RASA1: variants seen among roughly 807,000 people sequenced by gnomAD.
RASA1 encodes the protein RAS p21 protein activator 1.
In RASA1, 25 loss-of-function variants were observed where a neutral mutation model predicts 132.2. The observed-to-expected ratio is 0.19, with a 90% CI of 0.14 to 0.26. RASA1 has a LOEUF of 0.26. Among genes scored for constraint, RASA1 ranks in the 10% least tolerant of loss-of-function variants. The pLI is 1.00. For missense variants in RASA1, 964 were observed against 1,299.2 expected (o/e 0.74, Z 3.97); for synonymous variants, 477 against 449.9 (o/e 1.06, Z -0.76).
chr5:87,382,950 A>G (rs1432886965), intron 20 of RASA1, among the ~76,000 whole-genome samples: 1 of 151,390 alleles, frequency 6.6e-6, no homozygotes, highest in Non-Finnish European at 1.5e-5. Flanking sequence ...AAAAATTGCC[A>G]GGTATGGTGA....
rs1189198550 is a variant in RASA1, at chr5:87,338,542, T to A, written c.1017+451T>A. ...ATATATATATATATATAAAATTTTT[T>A]TTTTTTTTAAGTAGAAATGGGGTTT... is the stretch of plus-strand genomic sequence containing the variant. On this transcript the variant is annotated intron_variant, in intron 5 of 24. Coordinates refer to ENST00000274376, the MANE Select transcript of RASA1 (RefSeq NM_002890.3). 2.2e-3 allele frequency among the ~76,000 whole-genome samples: 299 copies of A among 137,328 alleles called. 14 individuals are homozygous for A. Among genetic ancestry groups the A allele is most frequent in the Admixed American group, 0.014 (192 of 13,614 alleles). 90.1% of individuals were successfully genotyped at this position (137,328 alleles called of 152,430 possible).
chr5:87,292,595 C>T (rs1754955817), intron 1 of RASA1, among the ~76,000 whole-genome samples: 1 of 152,050 alleles, frequency 6.6e-6, no homozygotes, highest in South Asian at 2.1e-4. Context: ...TAGTGTCAAT[C>T]CCTCCGACTT....
intron 1 of RASA1, among the ~76,000 whole-genome samples, chr5:87,303,879 C>T (rs1482609482): frequency 7.5e-6 from 1 of 133,996 alleles, no homozygotes; most frequent in Non-Finnish European, 1.6e-5. Context: ...TTGCTCTTGT[C>T]GCCCAAGCTG....
At chr5:87,381,862 A>G (rs1435296132) in intron 20 of RASA1, among the ~76,000 whole-genome samples, 1 of 152,224 alleles carries the variant, frequency 6.6e-6, no homozygotes, top group Non-Finnish European at 1.5e-5. Flanking sequence ...GTTAGGTTTC[A>G]GGCTCATAGA....
chr5:87,269,150 C>T (rs1430001692), intron 1 of RASA1, 160 bp downstream of exon 1: 4 of 1,612,882 alleles, frequency 2.5e-6, no homozygotes, highest in Non-Finnish European at 3.4e-6. Flanking sequence ...GATCACTTAT[C>T]TTCCTTACAG....
intron 1 of RASA1, among the ~76,000 whole-genome samples, chr5:87,305,513 C>T (rs968706645): frequency 6.6e-6 from 1 of 152,130 alleles, no homozygotes; most frequent in Non-Finnish European, 1.5e-5. Flanking sequence ...TAAAATATAA[C>T]ACCCCATACT....
intron 9 of RASA1, among the ~76,000 whole-genome samples, chr5:87,356,123 G>A (rs1759630848): frequency 6.6e-6 from 1 of 152,170 alleles, no homozygotes; most frequent in East Asian, 1.9e-4. Flanking sequence ...ACTTGATAAA[G>A]CAGCAAGAGG....
chr5:87,371,110 C>T (rs541286031), intron 12 of RASA1, among the ~76,000 whole-genome samples: 1 of 152,076 alleles, frequency 6.6e-6, no homozygotes, highest in Non-Finnish European at 1.5e-5. Flanking sequence ...ACCATGGTCC[C>T]TCTTTCTGAA....
rs1005369390 is a variant in RASA1, at chr5:87,338,240, A to G, written c.1017+149A>G. On this transcript the variant is annotated intron_variant, in intron 5 of 24. Transcript: ENST00000274376. ...ACAAGAATTATAAGTGCTGTTTGTTAGTATGGAACATAATCAGGCTAGCAT... is the reference window on the plus strand; with the variant it reads ...ACAAGAATTATAAGTGCTGTTTGTTGGTATGGAACATAATCAGGCTAGCAT... 1.1e-5 allele frequency: 14 copies of G among 1,262,740 alleles called. 1 individual carries two copies. The South Asian group carries it at 1.8e-4, about 16-fold the overall frequency. The allele number at this position is 1,262,740 out of a possible 1,614,324, so 78.2% of individuals were successfully genotyped here.
chr5:87,380,470 C>G (rs771791337), intron 19 of RASA1, 39 bp from the exon 20 acceptor site: 25 of 1,539,310 alleles, frequency 1.6e-5, no homozygotes, highest in Non-Finnish European at 2.1e-5. Flanking sequence ...AGTGTTTTCA[C>G]TTGCTTTCTG....
At chr5:87,360,391 T>C (rs1323719316) in intron 9 of RASA1, among the ~76,000 whole-genome samples, 1 of 152,204 alleles carries the variant, frequency 6.6e-6, no homozygotes, top group Non-Finnish European at 1.5e-5. Flanking sequence ...CCTAAAGTAC[T>C]GGGATTAAAG....
chr5:87,332,671 A>G (rs781581906), intron 3 of RASA1, 29 bp downstream of exon 3: 3 of 1,586,788 alleles, frequency 1.9e-6, no homozygotes, highest in African/African-American at 2.7e-5. Context: ...ATATCTTTCA[A>G]AACTTTATTT....
chr5:87,338,231 C>T, intron 5 of RASA1, 140 bp downstream of exon 5: 3 of 1,349,440 alleles, frequency 2.2e-6, no homozygotes, highest in South Asian at 1.4e-5. Flanking sequence ...ATTATAAGTG[C>T]TGTTTGTTAG....
At chr5:87,323,455 G>A (rs1000158306) in intron 1 of RASA1, among the ~76,000 whole-genome samples, 1 of 152,078 alleles carries the variant, frequency 6.6e-6, no homozygotes, top group South Asian at 2.1e-4. Flanking sequence ...GTGCTCATAG[G>A]GTTATTGCTG....
chr5:87,376,962 C>T lies in RASA1; in HGVS notation c.2266C>T (p.Leu756=), dbSNP rs776305383. The T allele has an allele frequency of 7.4e-6, 12 of 1,612,104 alleles. No individual in the cohort carries two copies. In the Admixed American group the frequency reaches 2.0e-4, roughly 27 times the overall value. ...AGACCGAACACTACTGGCCAGCATCCTACTGAGGATTTTTCTTCACGAAAA... is the reference window on the plus strand; with the variant it reads ...AGACCGAACACTACTGGCCAGCATCTTACTGAGGATTTTTCTTCACGAAAA... ...GQDRTLLASI[L]LRIFLHEKLE... The change falls in exon 17 of 25, where the codon CTA becomes TTA. Residue 756 remains leucine, a synonymous_variant. Coordinates refer to ENST00000274376, the MANE Select transcript of RASA1 (RefSeq NM_002890.3).
chr5:87,321,597 A>C (rs1001978678), intron 1 of RASA1, among the ~76,000 whole-genome samples: 1 of 152,234 alleles, frequency 6.6e-6, no homozygotes, highest in East Asian at 1.9e-4. Flanking sequence ...ATGTTAAAGG[A>C]TACAAGTAAA....
At chr5:87,313,824 C>T (rs1312966392) in intron 1 of RASA1, among the ~76,000 whole-genome samples, 1 of 152,126 alleles carries the variant, frequency 6.6e-6, no homozygotes, top group African/African-American at 2.4e-5. Context: ...AAAGGGATGG[C>T]AATAAGGACA....
rs1289758063 is a variant in RASA1 at position 87,383,926 on chromosome 5, T to TTG, written c.2758+147_2758+148insGT. 2.2e-5 allele frequency: 16 copies of TTG among 725,754 alleles called. No homozygotes were observed. In the East Asian group the frequency reaches 4.4e-4, roughly 20 times the overall value. The allele number at this position is 725,754 out of a possible 1,614,324, so 45.0% of individuals were successfully genotyped here. On this transcript the variant is annotated intron_variant, in intron 21 of 24. Transcript: ENST00000274376. Reference sequence around the variant, plus strand: ...ATGAAGTATTCCAAAGCACCCTTCCTTCCTTGTGCTTGTGCTTCTTGGGCT... The same window carrying TTG: ...ATGAAGTATTCCAAAGCACCCTTCCTTGTCCTTGTGCTTGTGCTTCTTGGGCT...
At chr5:87,377,391 C>T (rs758850102) in intron 17 of RASA1, among the ~76,000 whole-genome samples, 3 of 152,124 alleles carry the variant, frequency 2.0e-5, no homozygotes, top group Non-Finnish European at 2.9e-5. Context: ...AGTGCAGTGG[C>T]GCAGTCTCGG....
Sources: gnomAD v4.1 joint callset for allele counts (sites outside exome capture counted in the v4.1 genomes callset) on GRCh38, gnomAD v4.1.1 for gene constraint, MANE v1.5 for transcripts, NCBI Gene and HGNC (gene_info 2026-07-23, HGNC 2026-07-21) for gene names.